RNF32: variants seen among roughly 807,000 people sequenced by gnomAD.
The protein encoded by RNF32 is ring finger protein 32.
A neutral mutation model predicts 41.0 loss-of-function variants in RNF32; 36 were observed. That is an observed-to-expected ratio of 0.88 (90% CI 0.67 to 1.16). The LOEUF is 1.16. RNF32 is among the 50% of genes most tolerant of loss of function. The pLI, the probability that RNF32 is intolerant of heterozygous loss-of-function variation, is 0.00. For synonymous variants in RNF32, 154 were observed against 160.9 expected (o/e 0.96, Z 0.32); for missense variants, 413 against 436.7 (o/e 0.95, Z 0.48).
Position 156,676,598 on chromosome 7 carries a change from T to C in RNF32, c.1032T>C (p.Pro344=), listed in dbSNP as rs758271866. The change falls in exon 9 of 9, where the codon CCT becomes CCC. Residue 344 remains proline (P), a synonymous_variant. Coordinates refer to ENST00000317955, the MANE Select transcript of RNF32 (RefSeq NM_030936.4). The stretch of plus-strand genomic sequence containing the variant: ...AGTTCTCCGTGGGAGACAGGCCTCC[T>C]TTCCATGCCTGTCCTCTCTGCCGCT... ...LEEFSVGDRP[P]FHACPLCRSC... The C allele has an allele frequency of 1.9e-6, 3 of 1,614,066 alleles. No individual in the cohort carries two copies. The East Asian group carries it at 6.7e-5, about 36-fold the overall frequency.
chr7:156,659,985 C>A, intron 7 of RNF32: 1 of 985,484 alleles, frequency 1.0e-6, no homozygotes, highest in Non-Finnish European at 1.2e-6. Context: ...CTTTACAAGG[C>A]AGATTCATAG....
chr7:156,675,521 A>G (rs753189169), intron 7 of RNF32, among the ~76,000 whole-genome samples, 175 bp from the exon 8 acceptor site: 4 of 152,198 alleles, frequency 2.6e-5, no homozygotes, highest in Non-Finnish European at 5.9e-5. Context: ...TCATCTGTCC[A>G]GATTATCTGG....
chr7:156,669,084 C>A lies in RNF32; in HGVS notation c.685-6612C>A, dbSNP rs1801859273. 1 of 152,168 alleles carries A rather than the reference C, an allele frequency of 6.6e-6. No homozygotes were observed. The highest frequency in any genetic ancestry group is 2.1e-4 in the South Asian group (1 of 4,830). 9.4% of individuals were successfully genotyped at this position (152,168 alleles called of 1,614,324 possible). On this transcript the variant is annotated intron_variant, in intron 7 of 8. Coordinates refer to ENST00000317955, the MANE Select transcript of RNF32 (RefSeq NM_030936.4). This position sits in a 1 kb window ranked among gnomAD's most constrained non-coding sequence, Gnocchi z 4.2. ...AATTAGACTCAACTGCATGAAAAGT[C>A]TATGCGAACTGCTTTCATGGACTGG...
intron 1 of RNF32, among the ~76,000 whole-genome samples, chr7:156,643,249 A>G (rs1211716490): frequency 6.6e-6 from 1 of 152,246 alleles, no homozygotes; most frequent in Non-Finnish European, 1.5e-5. Flanking sequence ...GTAGAGTTCA[A>G]TTGGAACTCA....
rs1307260014 is a variant in RNF32, at chr7:156,658,447, A to G, written c.576-15A>G. ...GTCATCATAAATTAGTCATTTTCAA[A>G]TATCTGTGTTTTAGAATCCAAGCCT... On this transcript the variant is annotated splice_polypyrimidine_tract_variant and intron_variant, in intron 6 of 8. Transcript: ENST00000317955. The G allele has an allele frequency of 2.5e-6, 4 of 1,595,612 alleles. No homozygotes were observed. Among genetic ancestry groups the G allele is most frequent in the Non-Finnish European group, 3.4e-6 (4 of 1,163,672 alleles).
intron 7 of RNF32, among the ~76,000 whole-genome samples, chr7:156,663,321 A>G (rs1267503007): frequency 5.9e-5 from 9 of 152,202 alleles, no homozygotes; most frequent in Non-Finnish European, 1.2e-4. Context: ...AACAAAATAT[A>G]TGTGTGTGCA....
At chr7:156,675,594 G>C in intron 7 of RNF32, 102 bp from the exon 8 acceptor site, 1 of 877,870 alleles carries the variant, frequency 1.1e-6, no homozygotes, top group East Asian at 2.4e-5. Context: ...CGAAGACAGA[G>C]ACGAGGAAGG....
chr7:156,640,626 A>G, upstream of RNF32: 1 of 393,180 alleles, frequency 2.5e-6, no homozygotes, highest in South Asian at 1.8e-5. Context: ...AAGCATGCGC[A>G]ATGTGGGCCG....
At chr7:156,647,978 T>C (rs1798193786) in intron 3 of RNF32, among the ~76,000 whole-genome samples, 1 of 152,206 alleles carries the variant, frequency 6.6e-6, no homozygotes, top group African/African-American at 2.4e-5. Flanking sequence ...CATATCTTCT[T>C]TTGGGAAATA....
At chr7:156,646,518 A>G in intron 3 of RNF32, 1 of 1,293,634 alleles carries the variant, frequency 7.7e-7, no homozygotes. Flanking sequence ...CTACATCTGC[A>G]AAGACCCTAT....
Position 156,676,497 on chromosome 7 carries a change from G to C in RNF32, c.931G>C (p.Gly311Arg). ...SAAGGQRVGAGRRSREMALLS... is the reference protein window; with the variant it reads ...SAAGGQRVGARRRSREMALLS... The stretch of plus-strand genomic sequence containing the variant: ...TGCTGGCGGTCAGCGCGTGGGTGCA[G>C]GCAGGCGTTCCAGAGAGATGGCCCT... The change falls in exon 9 of 9, where the codon GGC becomes CGC. Residue 311 changes from glycine (G) to arginine (R), a missense_variant. Transcript: ENST00000317955. The C allele has an allele frequency of 1.2e-6, 2 of 1,614,000 alleles. No homozygotes were observed. Among genetic ancestry groups the C allele is most frequent in the Non-Finnish European group, 1.7e-6 (2 of 1,179,934 alleles).
chr7:156,673,072 G>C (rs1389694022), intron 7 of RNF32, among the ~76,000 whole-genome samples: 1 of 152,184 alleles, frequency 6.6e-6, no homozygotes, highest in Non-Finnish European at 1.5e-5. Context: ...GCCCCACCTT[G>C]AGAATAAACA....
chr7:156,657,390 AAAC>A (rs1188952705), intron 4 of RNF32, 148 bp from the exon 5 acceptor site: 18 of 723,500 alleles, frequency 2.5e-5, no homozygotes, highest in South Asian at 2.0e-4. Context: ...TGTGCTAAAC[AAAC>A]AATAAATAGT....
At chr7:156,640,611 T>C (rs755248047), upstream of RNF32, 74 of 401,116 alleles carry the variant, frequency 1.8e-4, 1 homozygote, top group South Asian at 1.3e-3. Flanking sequence ...CAGGGCGTGG[T>C]TGGCAAGCAT....
intron 3 of RNF32, among the ~76,000 whole-genome samples, chr7:156,648,553 A>G (rs1187340556): frequency 6.6e-6 from 1 of 152,248 alleles, no homozygotes; most frequent in Non-Finnish European, 1.5e-5. Flanking sequence ...TTTGGAAAAT[A>G]AGTAAAGTTA....
rs1289953347 is a variant in RNF32, at chr7:156,670,714, G to C, written c.685-4982G>C. On this transcript the variant is annotated intron_variant, in intron 7 of 8. Coordinates refer to ENST00000317955, the MANE Select transcript of RNF32 (RefSeq NM_030936.4). This position sits in a 1 kb window ranked among gnomAD's most constrained non-coding sequence, Gnocchi z 4.3. ...GATGGCATCTCCGTGTGTCGGGAGAGACCTAACCGCCAGTCTAGACTCCCA... is the reference window on the plus strand; with the variant it reads ...GATGGCATCTCCGTGTGTCGGGAGACACCTAACCGCCAGTCTAGACTCCCA... Among the ~76,000 whole-genome samples the C allele has an allele frequency of 6.6e-6, 1 of 152,140 alleles. No homozygotes were observed. Among genetic ancestry groups the C allele is most frequent in the Non-Finnish European group, 1.5e-5 (1 of 68,026 alleles).
Position 156,644,773 on chromosome 7 carries a change from C to T in RNF32, c.274+16C>T, listed in dbSNP as rs1316546738. On this transcript the variant is annotated intron_variant, in intron 3 of 8. Coordinates refer to ENST00000317955, the MANE Select transcript of RNF32 (RefSeq NM_030936.4). ...TTGACTTTGGGTAAGCTGACGTAGT[C>T]ATTCATCTTTTGGCTTATTAGGGCT... 1.3e-6 allele frequency: 2 copies of T among 1,590,092 alleles called. No homozygotes were observed. Among genetic ancestry groups the T allele is most frequent in the South Asian group, 2.3e-5 (2 of 85,370 alleles).
intron 4 of RNF32, among the ~76,000 whole-genome samples, chr7:156,655,368 T>C (rs2131462502): frequency 6.6e-6 from 1 of 152,236 alleles, no homozygotes; most frequent in Middle Eastern, 3.4e-3. Flanking sequence ...TATTGTCCCC[T>C]GAAGTTGGGG....
At chr7:156,656,008 A>G (rs1799611758) in intron 4 of RNF32, among the ~76,000 whole-genome samples, 1 of 152,222 alleles carries the variant, frequency 6.6e-6, no homozygotes, top group Admixed American at 6.5e-5. Context: ...CTTGGTTTTG[A>G]TATAAGACCC....
Sources: gnomAD v4.1 joint callset for allele counts (sites outside exome capture counted in the v4.1 genomes callset) on GRCh38, gnomAD v4.1.1 for gene constraint, Gnocchi (gnomAD v3.1) non-coding constraint, MANE v1.5 for transcripts, NCBI Gene and HGNC (gene_info 2026-07-23, HGNC 2026-07-21) for gene names.